Variants in RGS21 observed in about 807,000 individuals in gnomAD.
RGS21 encodes the protein regulator of G protein signaling 21.
A neutral mutation model predicts 18.7 loss-of-function variants in RGS21; 19 were observed. The ratio of observed to expected loss-of-function variants is 1.01; its 90% CI spans 0.71 to 1.49. The LOEUF (loss-of-function observed/expected upper bound fraction) is 1.49, where lower values mean the gene tolerates loss of function less well. Ranked by LOEUF, RGS21 falls within the 40% of genes most tolerant of loss-of-function variation. The pLI, the probability that RGS21 is intolerant of heterozygous loss-of-function variation, is 0.00. For missense variants in RGS21, 194 were observed against 176.8 expected (o/e 1.10, Z -0.55); for synonymous variants, 56 against 57.8 (o/e 0.97, Z 0.14).
chr1:192,352,496 G>A (rs943662763), intron 4 of RGS21, among the ~76,000 whole-genome samples: 2 of 151,898 alleles, frequency 1.3e-5, no homozygotes, highest in African/African-American at 4.8e-5. Context: ...CTCAAACAGT[G>A]CTAAAATCAA....
At position 192,352,082 on chromosome 1, in the gene RGS21, G is replaced by C. The variant is rs754334215; in HGVS notation, c.124G>C (p.Glu42Gln). 6.2e-7 allele frequency: 1 copy of C among 1,601,058 alleles called. No homozygotes were observed. The highest frequency in any genetic ancestry group is 1.1e-5 in the South Asian group (1 of 88,940). Residue 42 changes from glutamate to glutamine, a missense_variant, in exon 4 of 5, where the codon GAG becomes CAG. Transcript: ENST00000417209. ...TGCTTTTCGAATATTTCTAAAATCA[G>C]AGTTTAGTGAAGAAAATGTTGAGTT... ...LDAFRIFLKSEFSEENVEFWL... is the reference protein window; with the variant it reads ...LDAFRIFLKSQFSEENVEFWL...
At chr1:192,355,094 T>C (rs1659093271) in intron 4 of RGS21, among the ~76,000 whole-genome samples, 1 of 151,674 alleles carries the variant, frequency 6.6e-6, no homozygotes, top group Admixed American at 6.6e-5. Flanking sequence ...GTTAGTATGA[T>C]GTAGCAGAAA....
chr1:192,326,916 C>T (rs567009452), intron 1 of RGS21, among the ~76,000 whole-genome samples: 74 of 152,132 alleles, frequency 4.9e-4, no homozygotes, highest in African/African-American at 1.6e-3. Flanking sequence ...GTTAAAAGAG[C>T]TCTCCAAAAA....
intron 1 of RGS21, among the ~76,000 whole-genome samples, chr1:192,340,725 C>T (rs1658845319): frequency 6.6e-6 from 1 of 152,044 alleles, no homozygotes; most frequent in Non-Finnish European, 1.5e-5. Context: ...CACAGTTCCA[C>T]GTGGCTGGGG....
chr1:192,337,393 C>CT (rs992679414), intron 1 of RGS21, among the ~76,000 whole-genome samples: 1 of 151,658 alleles, frequency 6.6e-6, no homozygotes, highest in Admixed American at 6.6e-5. Context: ...AAAAAAATAA[C>CT]TTTTTTATTT....
At chr1:192,330,440 T>C (rs541762996) in intron 1 of RGS21, among the ~76,000 whole-genome samples, 75 of 152,256 alleles carry the variant, frequency 4.9e-4, no homozygotes, top group Middle Eastern at 3.4e-3. Context: ...TTTGACCCAA[T>C]AAACTTCGAA....
At chr1:192,317,944 T>G (rs1228294641) in intron 1 of RGS21, among the ~76,000 whole-genome samples, 1 of 152,058 alleles carries the variant, frequency 6.6e-6, no homozygotes, top group Non-Finnish European at 1.5e-5. Flanking sequence ...AAATGGTTGT[T>G]ACTTTGTTTT....
At position 192,358,755 on chromosome 1, in the gene RGS21, C is replaced by T. The variant is rs78706297; in HGVS notation, c.255+6542C>T. Among the ~76,000 whole-genome samples, 180 of 152,178 alleles carry T rather than the reference C, an allele frequency of 1.2e-3. 1 individual carries two copies. The Middle Eastern group carries it at 0.024, about 20-fold the overall frequency. On this transcript the variant is annotated intron_variant, in intron 4 of 4. Transcript: ENST00000417209. ...CAGATTACGGTCACAAGAGAGCCAACAGGTACACTTTAAAATGTATTCTTT... is the reference window on the plus strand; with the variant it reads ...CAGATTACGGTCACAAGAGAGCCAATAGGTACACTTTAAAATGTATTCTTT...
chr1:192,319,668 A>G (rs1054986015), intron 1 of RGS21, among the ~76,000 whole-genome samples: 3 of 152,128 alleles, frequency 2.0e-5, no homozygotes, highest in Non-Finnish European at 4.4e-5. Flanking sequence ...AATTGTGATT[A>G]TTCAGGCTAC....
intron 1 of RGS21, among the ~76,000 whole-genome samples, chr1:192,328,216 G>C (rs114972741): frequency 6.6e-6 from 1 of 152,166 alleles, no homozygotes; most frequent in Non-Finnish European, 1.5e-5. Context: ...GCATGGCTCC[G>C]AGGGCGGCCA....
chr1:192,340,670 A>G (rs1341897468), intron 1 of RGS21, among the ~76,000 whole-genome samples: 3 of 152,088 alleles, frequency 2.0e-5, no homozygotes, highest in Admixed American at 6.6e-5. Context: ...ATAAAGACAT[A>G]CCTGAGACTA....
intron 1 of RGS21, among the ~76,000 whole-genome samples, chr1:192,333,784 C>A (rs187261380): frequency 2.6e-4 from 39 of 151,940 alleles, no homozygotes; most frequent in African/African-American, 9.4e-4. Context: ...TGTAAATCTA[C>A]AAATGTGACA....
intron 4 of RGS21, among the ~76,000 whole-genome samples, chr1:192,359,819 A>T (rs990803217): frequency 6.6e-6 from 1 of 150,598 alleles, no homozygotes; most frequent in African/African-American, 2.4e-5. Context: ...TATATACATT[A>T]TTTAGTAAGA....
At position 192,365,986 on chromosome 1, in the gene RGS21, C is replaced by G. The variant is rs1455456892; in HGVS notation, c.321C>G (p.Cys107Trp). ...ATATTGCTGAACCAACACTCAAATG[C>G]TTTGATGAGGCTCAGAAATTAATCT... is the stretch of plus-strand genomic sequence containing the variant. ...SKNIAEPTLK[C>W]FDEAQKLIYC... Residue 107 changes from cysteine to tryptophan, a missense_variant, in exon 5 of 5, where the codon TGC becomes TGG. Coordinates refer to ENST00000417209, the MANE Select transcript of RGS21 (RefSeq NM_001039152.3). 1 of 1,609,686 alleles carries G rather than the reference C, an allele frequency of 6.2e-7. No individual in the cohort carries two copies. Among genetic ancestry groups the G allele is most frequent in the Non-Finnish European group, 8.5e-7 (1 of 1,176,540 alleles).
chr1:192,360,272 T>C (rs1659169557), intron 4 of RGS21, among the ~76,000 whole-genome samples: 1 of 152,118 alleles, frequency 6.6e-6, no homozygotes, highest in South Asian at 2.1e-4. Context: ...GGCTAAATAA[T>C]TTGTAGTCAT....
At chr1:192,348,222 C>T (rs748622787) in intron 3 of RGS21, among the ~76,000 whole-genome samples, 11 of 151,772 alleles carry the variant, frequency 7.2e-5, no homozygotes, top group South Asian at 2.1e-4. Context: ...GACAGGTGTT[C>T]GCCACATTAG....
At chr1:192,317,353 A>G (rs1255139548) in intron 1 of RGS21, among the ~76,000 whole-genome samples, 2 of 151,890 alleles carry the variant, frequency 1.3e-5, no homozygotes, top group Non-Finnish European at 2.9e-5. Context: ...TGTAAAAAAG[A>G]TGAACAAAGG....
chr1:192,360,279 T>A (rs1313065059), intron 4 of RGS21, among the ~76,000 whole-genome samples: 1 of 152,128 alleles, frequency 6.6e-6, no homozygotes, highest in African/African-American at 2.4e-5. Context: ...TAATTTGTAG[T>A]CATCTCTTGG....
chr1:192,347,251 G>A, intron 2 of RGS21, 62 bp from the exon 3 acceptor site: 2 of 994,526 alleles, frequency 2.0e-6, no homozygotes, highest in Non-Finnish European at 3.2e-6. Context: ...CAAAATACAT[G>A]TAACTCGAAT....
Sources: allele counts gnomAD v4.1 joint callset (sites outside exome capture counted in the v4.1 genomes callset), GRCh38; gene constraint gnomAD v4.1.1; transcripts MANE v1.5; gene names NCBI Gene and HGNC (gene_info 2026-07-23, HGNC 2026-07-21).